The following TACC2 variants were observed in gnomAD, a reference collection of about 807,000 sequenced individuals.
TACC2 encodes transforming acidic coiled-coil containing protein 2.
TACC2 carries 137 observed loss-of-function variants against 227.3 expected under a neutral mutation model. The observed-to-expected ratio is 0.60, with a 90% confidence interval of 0.52 to 0.69. The LOEUF (loss-of-function observed/expected upper bound fraction) is 0.69. Among genes scored for constraint, TACC2 ranks in the 30% least tolerant of loss-of-function variants. The pLI is 0.00. For synonymous variants in TACC2, 1,523 were observed against 1,487.5 expected, an observed-to-expected ratio of 1.02 and a Z score of -0.55; for missense variants, 3,470 against 3,694.4, an observed-to-expected ratio of 0.94 and a Z score of 1.57.
chr10:122,189,304 C>A (rs1593114786), intron 7 of TACC2, among the ~76,000 whole-genome samples: 1 of 152,218 alleles, frequency 6.6e-6, no homozygotes, highest in East Asian at 1.9e-4. Context: ...GTCCTCAAAC[C>A]CTTACACAAG....
intron 5 of TACC2, among the ~76,000 whole-genome samples, chr10:122,130,968 C>A (rs1274140942): frequency 6.6e-6 from 1 of 152,064 alleles, no homozygotes; most frequent in African/African-American, 2.4e-5. Context: ...ACCATCTGCA[C>A]CTTCCTTCTT....
intron 7 of TACC2, among the ~76,000 whole-genome samples, chr10:122,162,113 A>C (rs549681935): frequency 6.6e-6 from 1 of 152,304 alleles, no homozygotes; most frequent in Non-Finnish European, 1.5e-5. Context: ...AGCTATTTTC[A>C]TATAAATGCA....
chr10:122,122,184 T>A (rs1490582466), intron 5 of TACC2, among the ~76,000 whole-genome samples: 4 of 152,012 alleles, frequency 2.6e-5, no homozygotes, highest in Non-Finnish European at 5.9e-5. Context: ...TGAAACTCCG[T>A]CTCTACTAAA....
At chr10:122,025,782 G>T (rs1957918551) in intron 2 of TACC2, among the ~76,000 whole-genome samples, 1 of 149,958 alleles carries the variant, frequency 6.7e-6, no homozygotes, top group African/African-American at 2.5e-5. Context: ...CACTGTGTTA[G>T]CCAGGATGCT....
chr10:122,177,559 A>G (rs183189452), intron 7 of TACC2, among the ~76,000 whole-genome samples: 21 of 152,206 alleles, frequency 1.4e-4, no homozygotes, highest in African/African-American at 4.8e-4. Context: ...CAGCCTGGGT[A>G]ACATAGTGAG....
chr10:122,098,065 G>T (rs2081671642), intron 5 of TACC2, among the ~76,000 whole-genome samples: 1 of 152,164 alleles, frequency 6.6e-6, no homozygotes, highest in African/African-American at 2.4e-5. Context: ...TTGATGTGGG[G>T]CAGGTGAGTG....
intron 2 of TACC2, among the ~76,000 whole-genome samples, chr10:122,038,873 A>G (rs1387825586): frequency 2.6e-5 from 4 of 152,230 alleles, no homozygotes; most frequent in Non-Finnish European, 5.9e-5. Flanking sequence ...TTACAGCATC[A>G]TTGCATTAAA....
intron 7 of TACC2, among the ~76,000 whole-genome samples, chr10:122,188,333 G>GCAGT (rs1179057090): frequency 2.0e-5 from 3 of 152,128 alleles, no homozygotes; most frequent in Non-Finnish European, 2.9e-5. Context: ...AGGCTGGAGT[G>GCAGT]CAGTGGTGTG....
At chr10:122,017,574 T>C (rs1956816913) in intron 1 of TACC2, among the ~76,000 whole-genome samples, 1 of 152,038 alleles carries the variant, frequency 6.6e-6, no homozygotes, top group African/African-American at 2.4e-5. Flanking sequence ...CCCAGCACTT[T>C]GGGAGGCTGA....
intron 5 of TACC2, among the ~76,000 whole-genome samples, chr10:122,122,487 A>G (rs2086026936): frequency 8.0e-6 from 1 of 124,412 alleles, no homozygotes; most frequent in African/African-American, 2.6e-5. Flanking sequence ...TTTAAAAATA[A>G]TTCCTTTTTT....
At chr10:122,039,354 G>T (rs2073970312) in intron 2 of TACC2, among the ~76,000 whole-genome samples, 1 of 152,168 alleles carries the variant, frequency 6.6e-6, no homozygotes, top group Admixed American at 6.5e-5. Flanking sequence ...TTGGAACCTG[G>T]TAGGTTCTCA....
intron 7 of TACC2, chr10:122,164,004 G>A (rs745435219): frequency 5.1e-6 from 8 of 1,571,328 alleles, no homozygotes; most frequent in Non-Finnish European, 6.9e-6. Flanking sequence ...TAAGTGCTCC[G>A]CCCGGGCCGC....
At chr10:122,090,550 AAAAAAAAAAAAAG>A (rs1280748474) in intron 5 of TACC2, among the ~76,000 whole-genome samples, 6 of 141,512 alleles carry the variant, frequency 4.2e-5, no homozygotes, top group African/African-American at 7.5e-5. Context: ...CTATCTCAAA[AAAAAAAAAAAAAG>A]AAAAAAAAAA....
At chr10:122,038,984 G>C (rs960693668) in intron 2 of TACC2, among the ~76,000 whole-genome samples, 7 of 152,092 alleles carry the variant, frequency 4.6e-5, no homozygotes, top group African/African-American at 1.7e-4. Context: ...CTTTTTTTCT[G>C]TTTTGTTTTG....
At chr10:122,070,048 A>G (rs1156443947) in intron 3 of TACC2, among the ~76,000 whole-genome samples, 1 of 152,202 alleles carries the variant, frequency 6.6e-6, no homozygotes, top group Admixed American at 6.5e-5. Context: ...AGTTTAGATT[A>G]ATGGGATTAC....
chr10:122,110,160 G>C (rs536315838), intron 5 of TACC2, among the ~76,000 whole-genome samples: 1 of 152,246 alleles, frequency 6.6e-6, no homozygotes, highest in South Asian at 2.1e-4. Flanking sequence ...CCATAGCCTG[G>C]TACTCAGGCA....
intron 5 of TACC2, among the ~76,000 whole-genome samples, chr10:122,118,319 C>T (rs868010997): frequency 6.6e-5 from 10 of 152,040 alleles, no homozygotes; most frequent in East Asian, 1.9e-4. Flanking sequence ...CCAGCCTGGA[C>T]GTTACCTTTC....
At chr10:122,106,074 G>A (rs184489925) in intron 5 of TACC2, among the ~76,000 whole-genome samples, 8 of 149,272 alleles carry the variant, frequency 5.4e-5, no homozygotes, top group East Asian at 2.0e-4. Flanking sequence ...TGCAGCCTCC[G>A]CCTCCTGGGT....
At chr10:122,025,068 A>ATTTGGTGGTGTCACTT (rs1199312180) in intron 2 of TACC2, among the ~76,000 whole-genome samples, 1 of 152,096 alleles carries the variant, frequency 6.6e-6, no homozygotes, top group Non-Finnish European at 1.5e-5. Flanking sequence ...CCTGGCTGTC[A>ATTTGGTGGTGTCACTT]TTTGGTGGTG....
Sources: allele counts gnomAD v4.1 joint callset (sites outside exome capture counted in the v4.1 genomes callset), GRCh38; gene constraint gnomAD v4.1.1; transcripts MANE v1.5; gene names NCBI Gene and HGNC (gene_info 2026-07-23, HGNC 2026-07-21).